GRID1: variants seen among roughly 807,000 people sequenced by gnomAD.
The protein encoded by GRID1 is glutamate ionotropic receptor delta type subunit 1, also known as glutamate receptor ionotropic, delta-1.
GRID1 carries 28 observed loss-of-function variants against 98.0 expected under a neutral mutation model. The ratio of observed to expected loss-of-function variants is 0.29; its 90% CI spans 0.21 to 0.39. GRID1 has a LOEUF of 0.39. Among genes scored for constraint, GRID1 ranks in the 10% least tolerant of loss-of-function variants. The probability of loss-of-function intolerance (pLI) is 1.00; values close to 1 mark genes in which losing one functional copy is unlikely to be tolerated. For synonymous variants in GRID1, 553 were observed against 538.5 expected (o/e 1.03, Z -0.37); for missense variants, 1,111 against 1,340.5 (o/e 0.83, Z 2.67).
At chr10:85,812,854 TTA>T (rs58973720) in intron 8 of GRID1, among the ~76,000 whole-genome samples, 2 of 151,420 alleles carry the variant, frequency 1.3e-5, no homozygotes, top group African/African-American at 2.4e-5. Flanking sequence ...TGTGTGTATA[TTA>T]TATATATATA....
intron 2 of GRID1, among the ~76,000 whole-genome samples, chr10:86,265,572 A>AC (rs989628564): frequency 6.6e-6 from 1 of 152,214 alleles, no homozygotes; most frequent in Non-Finnish European, 1.5e-5. Context: ...TGGCTGGCAC[A>AC]CCCACAGATG....
intron 2 of GRID1, among the ~76,000 whole-genome samples, chr10:86,361,181 G>T (rs1235830750): frequency 6.6e-6 from 1 of 152,184 alleles, no homozygotes; most frequent in Non-Finnish European, 1.5e-5. Flanking sequence ...CCAGAGAGCT[G>T]AGCACCTGCA....
chr10:85,998,175 C>T (rs1204501537), intron 4 of GRID1, among the ~76,000 whole-genome samples: 2 of 152,064 alleles, frequency 1.3e-5, no homozygotes, highest in East Asian at 3.8e-4. Context: ...GAATACTTCA[C>T]ACAACAACAG....
At chr10:86,190,304 C>T (rs1462689352) in intron 3 of GRID1, among the ~76,000 whole-genome samples, 1 of 152,176 alleles carries the variant, frequency 6.6e-6, no homozygotes, top group Non-Finnish European at 1.5e-5. Context: ...GTGCTGTGAC[C>T]AAACACAGAG....
chr10:85,800,048 A>T (rs1479149124), intron 8 of GRID1, among the ~76,000 whole-genome samples: 1 of 152,092 alleles, frequency 6.6e-6, no homozygotes, highest in African/African-American at 2.4e-5. Context: ...ATAGAAAATC[A>T]CTACAGAATG....
intron 12 of GRID1, among the ~76,000 whole-genome samples, chr10:85,694,875 G>A (rs955760976): frequency 1.3e-5 from 2 of 151,776 alleles, no homozygotes; most frequent in Non-Finnish European, 2.9e-5. Flanking sequence ...CATTATTTGA[G>A]TGATGGTAAG....
chr10:85,733,268 G>A (rs1041198211), intron 8 of GRID1, among the ~76,000 whole-genome samples: 1 of 152,170 alleles, frequency 6.6e-6, no homozygotes, highest in African/African-American at 2.4e-5. Flanking sequence ...TTCTTGCCAT[G>A]TTCTCTGGGG....
intron 4 of GRID1, among the ~76,000 whole-genome samples, chr10:86,128,934 G>A (rs1373915427): frequency 2.6e-5 from 4 of 152,182 alleles, no homozygotes; most frequent in Non-Finnish European, 4.4e-5. Flanking sequence ...TTAGAAGAAC[G>A]TTGTGAATCA....
chr10:86,109,078 T>C (rs1351688677), intron 4 of GRID1, among the ~76,000 whole-genome samples: 1 of 152,206 alleles, frequency 6.6e-6, no homozygotes, highest in East Asian at 1.9e-4. Flanking sequence ...TCTTCTGTTC[T>C]CCTGACCCTT....
intron 2 of GRID1, among the ~76,000 whole-genome samples, chr10:86,302,222 T>C (rs1847699111): frequency 6.6e-6 from 1 of 152,176 alleles, no homozygotes; most frequent in South Asian, 2.1e-4. Context: ...AGCTCCTCCT[T>C]GAGACTCACT....
At chr10:86,069,363 T>C (rs1294375879) in intron 4 of GRID1, among the ~76,000 whole-genome samples, 1 of 152,076 alleles carries the variant, frequency 6.6e-6, no homozygotes, top group Non-Finnish European at 1.5e-5. Flanking sequence ...CAAGAGTGCT[T>C]CCCGGCCAGG....
At chr10:86,351,745 A>T (rs1316462863) in intron 2 of GRID1, among the ~76,000 whole-genome samples, 4 of 152,232 alleles carry the variant, frequency 2.6e-5, no homozygotes, top group African/African-American at 7.2e-5. Context: ...TCAGCAGAGC[A>T]TCCAGAACAA....
chr10:85,843,903 A>G (rs574469269), intron 8 of GRID1, among the ~76,000 whole-genome samples: 2 of 152,210 alleles, frequency 1.3e-5, no homozygotes, highest in Admixed American at 6.5e-5. Context: ...TACACATGTA[A>G]TTACCATATG....
In GRID1 at chr10:85,620,009, G is replaced by T; in HGVS notation, c.2218C>A (p.Leu740Met). The T allele has an allele frequency of 6.2e-7, 1 of 1,614,116 alleles. No individual in the cohort carries two copies. Among genetic ancestry groups the T allele is most frequent in the Non-Finnish European group, 8.5e-7 (1 of 1,179,968 alleles). ...TATTCCACCACGGCCACATCCCACA[G>T]GAAGGCGTAGTTCCCCTTCTTTGCC... ...RKAKKGNYAF[L>M]WDVAVVEYAA... is the part of the protein sequence containing the mutation. Residue 740 changes from leucine to methionine, a missense_variant, in exon 14 of 16, where the codon CTG becomes ATG. This residue lies in a region of GRID1 where 762 missense variants were observed against 869.1 expected (regional missense o/e 0.88). Coordinates refer to ENST00000327946, the MANE Select transcript of GRID1 (RefSeq NM_017551.3).
At chr10:85,686,504 C>T (rs891528007) in intron 12 of GRID1, among the ~76,000 whole-genome samples, 2 of 152,092 alleles carry the variant, frequency 1.3e-5, no homozygotes, top group Non-Finnish European at 2.9e-5. Flanking sequence ...ATAAACTTTA[C>T]TATATGGTAT....
At position 85,625,913 on chromosome 10, in the gene GRID1, T is replaced by C. The variant is rs566343117; in HGVS notation, c.2194-5880A>G. On this transcript the variant is annotated intron_variant, in intron 13 of 15. Transcript: ENST00000327946. ...TGATTCCACCCCTTTTGGAACTCAC[T>C]TGGAGCACAACCTTTCAGAGACATC... 3.6e-4 allele frequency among the ~76,000 whole-genome samples: 55 copies of C among 152,300 alleles called. 1 individual carries two copies. The highest frequency in any genetic ancestry group is 1.3e-3 in the African/African-American group (53 of 41,562).
chr10:86,321,724 G>A (rs961693278), intron 2 of GRID1, among the ~76,000 whole-genome samples: 9 of 152,148 alleles, frequency 5.9e-5, no homozygotes, highest in African/African-American at 9.7e-5. Context: ...GCAACTGCCC[G>A]CAGGCAGAAG....
intron 8 of GRID1, among the ~76,000 whole-genome samples, chr10:85,830,995 A>C (rs1240450159): frequency 6.6e-6 from 1 of 152,170 alleles, no homozygotes; most frequent in African/African-American, 2.4e-5. Context: ...TTCTATTATA[A>C]AGACACATAC....
At position 86,206,540 on chromosome 10, in the gene GRID1, A is replaced by G; in HGVS notation, c.344T>C (p.Phe115Ser). Residue 115 changes from phenylalanine (F) to serine (S), a missense_variant, in exon 3 of 16, where the codon TTT (phenylalanine) becomes TCT (serine). By Grantham distance (155) the Phe-to-Ser change is radical (BLOSUM62 -2). Around this residue, in one of 3 missense-constraint regions of GRID1, gnomAD observed 346 missense variants for 452.3 expected, o/e 0.76. Coordinates refer to ENST00000327946, the MANE Select transcript of GRID1 (RefSeq NM_017551.3). The surrounding 1 kb of genome is among the most constrained non-coding windows in gnomAD (Gnocchi z 4.1). Reference protein sequence around the residue: ...LTDAMHIPHLFVQRNPGGSPR... With the variant: ...LTDAMHIPHLSVQRNPGGSPR... ...CGACCCTCCCGGGTTGCGCTGGACAAAGAGGTGTGGGATGTGCATGGCATC... is the reference window on the plus strand; with the variant it reads ...CGACCCTCCCGGGTTGCGCTGGACAGAGAGGTGTGGGATGTGCATGGCATC... The G allele has an allele frequency of 6.2e-7, 1 of 1,614,202 alleles. No individual in the cohort carries two copies. Among genetic ancestry groups the G allele is most frequent in the Non-Finnish European group, 8.5e-7 (1 of 1,180,046 alleles).
Sources: gnomAD v4.1 joint callset for allele counts (sites outside exome capture counted in the v4.1 genomes callset) on GRCh38, gnomAD v4.1.1 for gene constraint, gnomAD v4.1.1 regional missense constraint, Gnocchi (gnomAD v3.1) non-coding constraint, MANE v1.5 for transcripts, NCBI Gene and HGNC (gene_info 2026-07-23, HGNC 2026-07-21) for gene names.